The following MMRN2 variants were observed in gnomAD, a reference collection of about 807,000 sequenced individuals.
MMRN2 encodes the protein multimerin-2.
MMRN2 carries 53 observed loss-of-function variants against 68.8 expected under a neutral mutation model. The ratio of observed to expected loss-of-function variants is 0.77; its 90% CI spans 0.62 to 0.97. MMRN2 has a LOEUF of 0.97. Among genes scored for constraint, MMRN2 ranks in the 50% least tolerant of loss-of-function variants. MMRN2 has a pLI of 0.00. For missense variants in MMRN2, 1,266 were observed against 1,259.5 expected, an observed-to-expected ratio of 1.01 and a Z score of -0.08; for synonymous variants, 564 against 551.6, an observed-to-expected ratio of 1.02 and a Z score of -0.32.
At chr10:86,956,149 C>CTTTTTTAA (rs1844223371) in intron 1 of MMRN2, among the ~76,000 whole-genome samples, 2 of 149,872 alleles carry the variant, frequency 1.3e-5, no homozygotes, top group Non-Finnish European at 3.0e-5. Flanking sequence ...CCCCCGCCCC[C>CTTTTTTAA]TGCTCCCCTT....
chr10:86,953,179 T>A (rs1399541069), intron 1 of MMRN2, among the ~76,000 whole-genome samples: 2 of 152,164 alleles, frequency 1.3e-5, no homozygotes, highest in African/African-American at 2.4e-5. Flanking sequence ...CGTTTTACAA[T>A]CAATTTGTAC....
rs940763192 is a variant in MMRN2 at position 86,951,650 on chromosome 10, C to T, written c.164+5728G>A. Among the ~76,000 whole-genome samples, 6 of 152,272 alleles carry T rather than the reference C, an allele frequency of 3.9e-5. No homozygotes were observed. The East Asian group carries it at 7.7e-4, about 20-fold the overall frequency. On this transcript the variant is annotated intron_variant, in intron 1 of 6. Transcript: ENST00000372027. ...GATGGGCTGGATTTGGCCCACTGGC[C>T]ATAGTTTTCTGACCCCTGCCTATGA... is the stretch of plus-strand genomic sequence containing the variant.
At chr10:86,940,148 G>A (rs993532606) in intron 6 of MMRN2, among the ~76,000 whole-genome samples, 1 of 151,790 alleles carries the variant, frequency 6.6e-6, no homozygotes, top group Non-Finnish European at 1.5e-5. Flanking sequence ...GAGTAGCTGG[G>A]ATTAGGCGCC....
At chr10:86,949,191 G>A (rs1290901854) in intron 1 of MMRN2, 1 of 152,076 alleles carries the variant, frequency 6.6e-6, no homozygotes, top group East Asian at 1.9e-4. Flanking sequence ...CAGCAATATT[G>A]GAAACTGGAA....
intron 1 of MMRN2, among the ~76,000 whole-genome samples, chr10:86,954,784 T>C (rs1844194623): frequency 7.7e-6 from 1 of 129,672 alleles, no homozygotes; most frequent in Admixed American, 8.6e-5. Context: ...CTCTGGCCAG[T>C]GGGGGTTCTT....
chr10:86,939,461 CAAAAAAAAAAAAAAA>C (rs34692290), intron 6 of MMRN2, among the ~76,000 whole-genome samples: 1 of 74,576 alleles, frequency 1.3e-5, no homozygotes, highest in African/African-American at 5.7e-5. Flanking sequence ...GACTCCGTCT[CAAAAAAAAAAAAAAA>C]AAAAAAAAAA....
chr10:86,955,901 G>C (rs1258813293), intron 1 of MMRN2, among the ~76,000 whole-genome samples: 3 of 152,112 alleles, frequency 2.0e-5, no homozygotes, highest in Non-Finnish European at 4.4e-5. Flanking sequence ...GGACTGCGGG[G>C]CCCCTGCAGG....
rs770608371 is a variant in MMRN2 at position 86,942,304 on chromosome 10, C to G, written c.2467+13G>C. ...TCCTAGGCTCGTCCAGTCTCCCCAG[C>G]CCAGGAACTCACCTGCCTCCCAGAG... On this transcript the variant is annotated intron_variant, in intron 6 of 6. Transcript: ENST00000372027. 1.9e-6 allele frequency: 3 copies of G among 1,597,876 alleles called. No individual in the cohort carries two copies. In the East Asian group the frequency reaches 6.7e-5, roughly 36 times the overall value.
At chr10:86,954,683 G>T (rs549641073) in intron 1 of MMRN2, among the ~76,000 whole-genome samples, 1 of 152,212 alleles carries the variant, frequency 6.6e-6, no homozygotes, top group Non-Finnish European at 1.5e-5. Flanking sequence ...TTTTGTCCTT[G>T]AGTCAGAAAA....
chr10:86,943,403 T>C lies in MMRN2; in HGVS notation c.1381A>G (p.Lys461Glu), dbSNP rs1447312176. ...MEKSLIMEEN[K>E]EEVERQLLEL... ...AGGAGCTGCCGCTCCACCTCCTCCTTGTTCTCCTCCATGATCAGAGACTTC... is the reference window on the plus strand; with the variant it reads ...AGGAGCTGCCGCTCCACCTCCTCCTCGTTCTCCTCCATGATCAGAGACTTC... The change falls in exon 6 of 7, where the codon AAG becomes GAG. Residue 461 changes from lysine to glutamate, a missense_variant. Lys to Glu is a moderately conservative substitution (Grantham distance 56). Transcript: ENST00000372027. The surrounding 1 kb of genome is among the most constrained non-coding windows in gnomAD (Gnocchi z 4.2). The C allele has an allele frequency of 6.2e-7, 1 of 1,613,980 alleles. No individual in the cohort carries two copies. The highest frequency in any genetic ancestry group is 8.5e-7 in the Non-Finnish European group (1 of 1,180,002).
In MMRN2 at chr10:86,952,563, G is replaced by A. The variant is rs191459544; in HGVS notation, c.164+4815C>T. Among the ~76,000 whole-genome samples, 35 of 152,316 alleles carry A rather than the reference G, an allele frequency of 2.3e-4. No homozygotes were observed. In the East Asian group the frequency reaches 6.2e-3, roughly 27 times the overall value. On this transcript the variant is annotated intron_variant, in intron 1 of 6. Transcript: ENST00000372027. ...TAGGACTGTGATGCCCACCTGAGCCGCAAAACCAGCAGGTTTTTATTAAGG... is the reference window on the plus strand; with the variant it reads ...TAGGACTGTGATGCCCACCTGAGCCACAAAACCAGCAGGTTTTTATTAAGG...
intron 1 of MMRN2, 104 bp from the exon 2 acceptor site, chr10:86,945,793 GA>G: frequency 6.4e-7 from 1 of 1,573,520 alleles, no homozygotes; most frequent in Non-Finnish European, 8.6e-7. Flanking sequence ...GCAGTGCTGG[GA>G]TTCTGGAATC....
At chr10:86,949,610 T>C (rs1384270502) in intron 1 of MMRN2, 2 of 151,752 alleles carry the variant, frequency 1.3e-5, no homozygotes, top group Non-Finnish European at 2.9e-5. Flanking sequence ...GTGTGGTGGC[T>C]CATGCCTGTA....
chr10:86,952,916 T>C (rs1844164461), intron 1 of MMRN2, among the ~76,000 whole-genome samples: 2 of 152,094 alleles, frequency 1.3e-5, no homozygotes, highest in Admixed American at 6.5e-5. Flanking sequence ...AGAGCGGCCG[T>C]TTATAGACCT....
chr10:86,944,263 G>A lies in MMRN2; in HGVS notation c.654C>T (p.His218=), dbSNP rs140040286. The change falls in exon 5 of 7, where the codon CAC becomes CAT. Residue 218 remains histidine, a splice_region_variant and synonymous_variant. Transcript: ENST00000372027. ...AAVMEANQTG[H]EFPDRSLEQV... ...CAGCCCCTAGAGCCTGCCACTCACC[G>A]TGCCCTGTTTGATTTGCTTCCATCA... 7.6e-5 allele frequency: 122 copies of A among 1,605,376 alleles called. 3 individuals are homozygous for A. The highest frequency in any genetic ancestry group is 3.3e-4 in the African/African-American group (25 of 74,812).
Position 86,944,021 on chromosome 10 carries a change from G to C in MMRN2, c.763C>G (p.Leu255Val). The C allele has an allele frequency of 1.2e-6, 2 of 1,614,122 alleles. No individual in the cohort carries two copies. Among genetic ancestry groups the C allele is most frequent in the East Asian group, 4.5e-5 (2 of 44,880 alleles). ...WRSFNQSLHS[L>V]TQAIRNLSLD... ...GACAGGTTTCTTATGGCCTGGGTAA[G>C]GCTGTGCAGGCTTTGGTTAAAGCTC... is the stretch of plus-strand genomic sequence containing the variant. The change falls in exon 6 of 7, where the codon CTT becomes GTT. Residue 255 changes from leucine to valine, a missense_variant. By Grantham distance (32) the Leu-to-Val change is conservative (BLOSUM62 1). Coordinates refer to ENST00000372027, the MANE Select transcript of MMRN2 (RefSeq NM_024756.3).
chr10:86,957,466 T>A lies in MMRN2; in HGVS notation c.76A>T (p.Ser26Cys). 1 of 1,613,506 alleles carries A rather than the reference T, an allele frequency of 6.2e-7. No individual in the cohort carries two copies. Among genetic ancestry groups the A allele is most frequent in the Non-Finnish European group, 8.5e-7 (1 of 1,179,980 alleles). ...GLLGAWAQAS[S>C]TSLSDLQSSR... ...CTCTGCAGATCAGAGAGGCTAGTAC[T>A]GGAAGCCTGGGCCCATGCCCCCAGC... Residue 26 changes from serine to cysteine, a missense_variant, in exon 1 of 7, where the codon AGT (serine) becomes TGT (cysteine). Transcript: ENST00000372027.
Position 86,957,610 on chromosome 10 carries a change from T to C in MMRN2, c.-69A>G. The stretch of plus-strand genomic sequence containing the variant: ...TAGCTCCAGAAACTGCTAGTGACGT[T>C]GTCTTCAAGTTAAATCTCAGGAGGA... On this transcript the variant is annotated 5_prime_UTR_variant, in exon 1 of 7. Coordinates refer to ENST00000372027, the MANE Select transcript of MMRN2 (RefSeq NM_024756.3). 2 of 1,504,472 alleles carry C rather than the reference T, an allele frequency of 1.3e-6. No homozygotes were observed. Among genetic ancestry groups the C allele is most frequent in the Non-Finnish European group, 1.8e-6 (2 of 1,122,126 alleles). The allele number at this position is 1,504,472 out of a possible 1,614,324, so 93.2% of individuals were successfully genotyped here.
At position 86,957,453 on chromosome 10, in the gene MMRN2, G is replaced by A. The variant is rs747625024; in HGVS notation, c.89C>T (p.Ser30Phe). The change falls in exon 1 of 7, where the codon TCT (serine) becomes TTT (phenylalanine). Residue 30 changes from serine to phenylalanine, a missense_variant. Ser to Phe is a radical substitution (Grantham distance 155). Coordinates refer to ENST00000372027, the MANE Select transcript of MMRN2 (RefSeq NM_024756.3). ...AGGTGTCCTGGAGCTCTGCAGATCA[G>A]AGAGGCTAGTACTGGAAGCCTGGGC... ...AWAQASSTSL[S>F]DLQSSRTPGV... The A allele has an allele frequency of 6.2e-7, 1 of 1,613,736 alleles. No homozygotes were observed. Among genetic ancestry groups the A allele is most frequent in the South Asian group, 1.1e-5 (1 of 91,080 alleles).
Sources: gnomAD v4.1 joint callset for allele counts (sites outside exome capture counted in the v4.1 genomes callset) on GRCh38, gnomAD v4.1.1 for gene constraint, Gnocchi (gnomAD v3.1) non-coding constraint, MANE v1.5 for transcripts, NCBI Gene and HGNC (gene_info 2026-07-23, HGNC 2026-07-21) for gene names.